The following RFTN1 variants were observed in gnomAD, a reference collection of about 807,000 sequenced individuals.
RFTN1 encodes raftlin.
Under a neutral mutation model 46.5 loss-of-function variants are expected in RFTN1, and 26 were observed. The observed-to-expected ratio is 0.56, with a 90% confidence interval of 0.41 to 0.78. The LOEUF (loss-of-function observed/expected upper bound fraction) is 0.78. Among genes scored for constraint, RFTN1 ranks in the 30% least tolerant of loss-of-function variants. The pLI is 0.00. For missense variants in RFTN1, 693 were observed against 718.7 expected, an observed-to-expected ratio of 0.96 and a Z score of 0.41; for synonymous variants, 261 against 284.2, an observed-to-expected ratio of 0.92 and a Z score of 0.82.
At chr3:16,438,603 A>G (rs1349285819) in intron 2 of RFTN1, among the ~76,000 whole-genome samples, 1 of 148,630 alleles carries the variant, frequency 6.7e-6, no homozygotes, top group African/African-American at 2.5e-5. Flanking sequence ...AAAAAAAAAA[A>G]AAAAAAAAAA....
chr3:16,334,591 C>T lies in RFTN1; in HGVS notation c.1147-7715G>A, dbSNP rs997010768. 1.3e-5 allele frequency among the ~76,000 whole-genome samples: 2 copies of T among 152,024 alleles called. No individual in the cohort carries two copies. The highest frequency in any genetic ancestry group is 2.9e-5 in the Non-Finnish European group (2 of 68,008). ...GGCAATGGCTGCTCATGTGTTGAGC[C>T]GGGGCATACAGGATGAAGAGGGACA... On this transcript the variant is annotated intron_variant, in intron 7 of 9. Transcript: ENST00000334133. The surrounding 1 kb of genome is among the most constrained non-coding windows in gnomAD (Gnocchi z 4.3).
rs1259666605 is a variant in RFTN1 at position 16,429,373 on chromosome 3, A to G, written c.332+4478T>C. Reference sequence around the variant, plus strand: ...AAATACTACTAGAAAACATTTCATTAGGAGATTTAAATAAACTCTTCCTGC... The same window carrying G: ...AAATACTACTAGAAAACATTTCATTGGGAGATTTAAATAAACTCTTCCTGC... On this transcript the variant is annotated intron_variant, in intron 3 of 9. Coordinates refer to ENST00000334133, the MANE Select transcript of RFTN1 (RefSeq NM_015150.2). This position sits in a 1 kb window ranked among gnomAD's most constrained non-coding sequence, Gnocchi z 6.4. Among the ~76,000 whole-genome samples the G allele has an allele frequency of 6.6e-6, 1 of 152,220 alleles. No individual in the cohort carries two copies. Among genetic ancestry groups the G allele is most frequent in the Non-Finnish European group, 1.5e-5 (1 of 68,036 alleles).
rs370796888 is a variant in RFTN1 at position 16,491,679 on chromosome 3, T to C, written c.145+2046A>G. On this transcript the variant is annotated intron_variant, in intron 2 of 9. Coordinates refer to ENST00000334133, the MANE Select transcript of RFTN1 (RefSeq NM_015150.2). ...GACAAAGCACTGCATGGAAACTTCA[T>C]GTGTTTGTGAAGGTTCTTAGGAGCA... Among the ~76,000 whole-genome samples, 25 of 152,212 alleles carry C rather than the reference T, an allele frequency of 1.6e-4. No individual in the cohort carries two copies. The East Asian group carries it at 2.3e-3, about 14-fold the overall frequency.
At chr3:16,488,189 A>G (rs959216802) in intron 2 of RFTN1, among the ~76,000 whole-genome samples, 5 of 147,712 alleles carry the variant, frequency 3.4e-5, no homozygotes, top group African/African-American at 5.0e-5. Flanking sequence ...CGCAACCTCT[A>G]CCTCCCAGGT....
At chr3:16,405,926 G>A (rs530585670) in intron 4 of RFTN1, among the ~76,000 whole-genome samples, 4 of 152,122 alleles carry the variant, frequency 2.6e-5, no homozygotes, top group East Asian at 1.9e-4. Flanking sequence ...AAGTTGAGGC[G>A]GCCAATGACA....
At position 16,344,395 on chromosome 3, in the gene RFTN1, C is replaced by T. The variant is rs1228056782; in HGVS notation, c.1146+13537G>A. Among the ~76,000 whole-genome samples, 3 of 151,608 alleles carry T rather than the reference C, an allele frequency of 2.0e-5. No homozygotes were observed. Among genetic ancestry groups the T allele is most frequent in the Non-Finnish European group, 2.9e-5 (2 of 67,940 alleles). The stretch of plus-strand genomic sequence containing the variant: ...CAACTATAATCTAATTTAGAAACAA[C>T]ATGTAAAAACAGATACATTCAGAAA... On this transcript the variant is annotated intron_variant, in intron 7 of 9. Transcript: ENST00000334133. This position sits in a 1 kb window ranked among gnomAD's most constrained non-coding sequence, Gnocchi z 4.4.
rs1168886459 is a variant in RFTN1, at chr3:16,450,878, G to A, written c.146-16841C>T. 6.6e-6 allele frequency among the ~76,000 whole-genome samples: 1 copy of A among 152,042 alleles called. No homozygotes were observed. Among genetic ancestry groups the A allele is most frequent in the Non-Finnish European group, 1.5e-5 (1 of 68,008 alleles). On this transcript the variant is annotated intron_variant, in intron 2 of 9. Transcript: ENST00000334133. The surrounding 1 kb of genome is among the most constrained non-coding windows in gnomAD (Gnocchi z 4.6). ...CAGCTCCTAGGTCTCTGGTTTGCAT[G>A]GACCTGAACAGATAGTGGTGACTTT...
chr3:16,363,632 G>A (rs907533966), intron 6 of RFTN1, among the ~76,000 whole-genome samples: 3 of 152,336 alleles, frequency 2.0e-5, no homozygotes, highest in Admixed American at 6.5e-5. Flanking sequence ...GCTGTGCTTC[G>A]CCAAAGTCTA....
intron 1 of RFTN1, among the ~76,000 whole-genome samples, chr3:16,511,605 A>C (rs1422889417): frequency 6.6e-6 from 1 of 152,198 alleles, no homozygotes; most frequent in Non-Finnish European, 1.5e-5. Context: ...AATTTGGCAA[A>C]GCACCATGCC....
Position 16,337,887 on chromosome 3 carries a change from C to G in RFTN1, c.1147-11011G>C, listed in dbSNP as rs556347599. On this transcript the variant is annotated intron_variant, in intron 7 of 9. Transcript: ENST00000334133. This position sits in a 1 kb window ranked among gnomAD's most constrained non-coding sequence, Gnocchi z 5.0. Reference sequence around the variant, plus strand: ...GCCCTTATTTGCTCCAGGCCGGACACTTTGGCCTTGCATTACCTCTGGAGC... The same window carrying G: ...GCCCTTATTTGCTCCAGGCCGGACAGTTTGGCCTTGCATTACCTCTGGAGC... Among the ~76,000 whole-genome samples, 4 of 152,296 alleles carry G rather than the reference C, an allele frequency of 2.6e-5. No individual in the cohort carries two copies. The highest frequency in any genetic ancestry group is 3.9e-4 in the East Asian group (2 of 5,184).
In RFTN1 at chr3:16,479,599, C is replaced by T. The variant is rs1170971098; in HGVS notation, c.145+14126G>A. On this transcript the variant is annotated intron_variant, in intron 2 of 9. Coordinates refer to ENST00000334133, the MANE Select transcript of RFTN1 (RefSeq NM_015150.2). The surrounding 1 kb of genome is among the most constrained non-coding windows in gnomAD (Gnocchi z 5.1). ...CACACTTCATCTCGACCATTTCTCA[C>T]CAAGCAAGCCATGATGGACTGAAGA... 6.6e-6 allele frequency among the ~76,000 whole-genome samples: 1 copy of T among 152,220 alleles called. No homozygotes were observed. The highest frequency in any genetic ancestry group is 1.9e-4 in the East Asian group (1 of 5,204).
At chr3:16,508,165 G>A (rs567108644) in intron 1 of RFTN1, among the ~76,000 whole-genome samples, 2 of 152,284 alleles carry the variant, frequency 1.3e-5, no homozygotes, top group Admixed American at 1.3e-4. Flanking sequence ...TCTCCTGTGA[G>A]GCTGGTTCTG....
At chr3:16,461,963 C>T (rs186983891) in intron 2 of RFTN1, among the ~76,000 whole-genome samples, 86 of 152,286 alleles carry the variant, frequency 5.6e-4, no homozygotes, top group African/African-American at 1.9e-3. Context: ...ACTCACTGGA[C>T]CATAGAATTT....
In RFTN1 at chr3:16,489,392, T is replaced by A. The variant is rs1380442983; in HGVS notation, c.145+4333A>T. ...GAGATTGCACCACCACACTCCAGCC[T>A]GGGCAACAGAGTGAGACTTCGCTTC... On this transcript the variant is annotated intron_variant, in intron 2 of 9. Coordinates refer to ENST00000334133, the MANE Select transcript of RFTN1 (RefSeq NM_015150.2). The surrounding 1 kb of genome is among the most constrained non-coding windows in gnomAD (Gnocchi z 4.0). 6.6e-6 allele frequency among the ~76,000 whole-genome samples: 1 copy of A among 152,118 alleles called. No homozygotes were observed. The highest frequency in any genetic ancestry group is 1.5e-5 in the Non-Finnish European group (1 of 68,026).
In RFTN1 at chr3:16,346,465, C is replaced by T. The variant is rs962209160; in HGVS notation, c.1146+11467G>A. The T allele has an allele frequency of 2.6e-5, 4 of 152,072 alleles. No homozygotes were observed. Among genetic ancestry groups the T allele is most frequent in the African/African-American group, 2.4e-5 (1 of 41,404 alleles). 9.4% of individuals were successfully genotyped at this position (152,072 alleles called of 1,614,324 possible). A position where few individuals can be genotyped will look rare whatever the true frequency, so the allele number is the denominator to read the frequency against. On this transcript the variant is annotated intron_variant, in intron 7 of 9. Coordinates refer to ENST00000334133, the MANE Select transcript of RFTN1 (RefSeq NM_015150.2). This position sits in a 1 kb window ranked among gnomAD's most constrained non-coding sequence, Gnocchi z 4.4. ...CCTTTTGTCATCTCATTATCCAAAC[C>T]GTCAACAAGTCCAGTCTTCTTGAAA...
chr3:16,398,874 C>T (rs2074536590), intron 4 of RFTN1, among the ~76,000 whole-genome samples: 1 of 152,216 alleles, frequency 6.6e-6, no homozygotes, highest in South Asian at 2.1e-4. Context: ...TCTGCTTCTC[C>T]TCTGGTCATC....
intron 2 of RFTN1, among the ~76,000 whole-genome samples, chr3:16,488,391 A>G (rs2124983143): frequency 6.6e-6 from 1 of 152,170 alleles, no homozygotes; most frequent in South Asian, 2.1e-4. Context: ...GAGCCACTGC[A>G]CCCAGCTTAT....
rs779186237 is a variant in RFTN1 at position 16,316,913 on chromosome 3, C to T, written c.1652G>A (p.Cys551Tyr). 1.2e-6 allele frequency: 2 copies of T among 1,614,054 alleles called. No homozygotes were observed. Among genetic ancestry groups the T allele is most frequent in the African/African-American group, 2.7e-5 (2 of 74,922 alleles). Residue 551 changes from cysteine (C) to tyrosine (Y), a missense_variant, in exon 10 of 10, where the codon TGC becomes TAC. Transcript: ENST00000334133. The surrounding 1 kb of genome is among the most constrained non-coding windows in gnomAD (Gnocchi z 4.5). ...CTCTCCAGGATTGGAGTGCCCAGTG[C>T]AAATCCCCACCAGGGCCCTGCTGTG... ...ASHSRALVGICTGHSNPGEDA... is the reference protein window; with the variant it reads ...ASHSRALVGIYTGHSNPGEDA...
intron 4 of RFTN1, among the ~76,000 whole-genome samples, chr3:16,405,439 A>C (rs1016406584): frequency 1.3e-5 from 2 of 152,212 alleles, no homozygotes; most frequent in Non-Finnish European, 2.9e-5. Flanking sequence ...AAATGCAGTA[A>C]GGTAGATTTC....
Sources: gnomAD v4.1 joint callset for allele counts (sites outside exome capture counted in the v4.1 genomes callset) on GRCh38, gnomAD v4.1.1 for gene constraint, Gnocchi (gnomAD v3.1) non-coding constraint, MANE v1.5 for transcripts, NCBI Gene and HGNC (gene_info 2026-07-23, HGNC 2026-07-21) for gene names.